SYNE1: variants seen among roughly 807,000 people sequenced by gnomAD.
The protein encoded by SYNE1 is nesprin-1.
In SYNE1, 616 loss-of-function variants were observed where a neutral mutation model predicts 1,111.0. The ratio of observed to expected loss-of-function variants is 0.55; its 90% CI spans 0.52 to 0.59. SYNE1 has a LOEUF of 0.59. Ranked by LOEUF, SYNE1 falls within the 20% of genes least tolerant of loss-of-function variation. The probability of loss-of-function intolerance (pLI) is 0.00; values close to 1 mark genes in which losing one functional copy is unlikely to be tolerated. For missense variants in SYNE1, 10,006 were observed against 10,417.0 expected, an observed-to-expected ratio of 0.96 and a Z score of 1.72; for synonymous variants, 3,855 against 3,825.8, an observed-to-expected ratio of 1.01 and a Z score of -0.28.
chr6:152,134,290 G>C (rs991209998), intron 142 of SYNE1: 1 of 152,200 alleles, frequency 6.6e-6, no homozygotes, highest in African/African-American at 2.4e-5. Context: ...ATGAAAGTAA[G>C]TTTACTCCTT....
In SYNE1 at chr6:152,221,467, C is replaced by A; in HGVS notation, c.21615G>T (p.Val7205=). 1 of 1,613,884 alleles carries A rather than the reference C, an allele frequency of 6.2e-7. No individual in the cohort carries two copies. The highest frequency in any genetic ancestry group is 8.5e-7 in the Non-Finnish European group (1 of 1,179,928). ...NQLLKECHPP[V]TETLTNTLKE... ...TCAGTGTATTGGTAAGAGTTTCTGT[C>A]ACGGGTGGGTGACACTCTTTTAATA... is the stretch of plus-strand genomic sequence containing the variant. Residue 7205 remains valine (V), a synonymous_variant, in exon 118 of 146, where the codon GTG becomes GTT. Transcript: ENST00000367255.
At position 152,417,226 on chromosome 6, in the gene SYNE1, C is replaced by T. The variant is rs7757351; in HGVS notation, c.5422-211G>A. 3.9e-3 allele frequency among the ~76,000 whole-genome samples: 591 copies of T among 152,254 alleles called. 6 individuals carry two copies. Among genetic ancestry groups the T allele is most frequent in the African/African-American group, 0.014 (568 of 41,526 alleles). The stretch of plus-strand genomic sequence containing the variant: ...ATAAAACACAACTCTGGGCCAGGCG[C>T]GGTGGCTCACGCCTGTAATCCCAGC... On this transcript the variant is annotated intron_variant, in intron 40 of 145. Coordinates refer to ENST00000367255, the MANE Select transcript of SYNE1 (RefSeq NM_182961.4).
At chr6:152,496,971 C>T (rs946386327) in intron 11 of SYNE1, among the ~76,000 whole-genome samples, 1 of 152,046 alleles carries the variant, frequency 6.6e-6, no homozygotes, top group African/African-American at 2.4e-5. Flanking sequence ...CTTGTAACAC[C>T]TGCCCCTGTC....
Position 152,384,946 on chromosome 6 carries a change from AC to A in SYNE1, c.8652+727del, listed in dbSNP as rs537070128. On this transcript the variant is annotated intron_variant, in intron 55 of 145. Coordinates refer to ENST00000367255, the MANE Select transcript of SYNE1 (RefSeq NM_182961.4). ...GTAACCATCAGCTATAATTTTTATG[AC>A]TTTTATGTTCTGATCTTGGAATCAA... 9.7e-4 allele frequency among the ~76,000 whole-genome samples: 148 copies of A among 152,002 alleles called. 2 individuals are homozygous for A. Among genetic ancestry groups the A allele is most frequent in the African/African-American group, 3.4e-3 (141 of 41,458 alleles).
In SYNE1 at chr6:152,354,875, C is replaced by G. The variant is rs1159310833; in HGVS notation, c.10710G>C (p.Arg3570=). 6.2e-7 allele frequency: 1 copy of G among 1,614,048 alleles called. No homozygotes were observed. Among genetic ancestry groups the G allele is most frequent in the Non-Finnish European group, 8.5e-7 (1 of 1,180,040 alleles). Residue 3570 remains arginine, a synonymous_variant, in exon 67 of 146, where the codon CGG becomes CGC. Coordinates refer to ENST00000367255, the MANE Select transcript of SYNE1 (RefSeq NM_182961.4). ...IPSGIPQAED[R]ALESLRQDWQ... The stretch of plus-strand genomic sequence containing the variant: ...AGTCTTGCCGGAGAGACTCTAAAGC[C>G]CGGTCCTCTGCCTGTGGGATACCTG...
intron 70 of SYNE1, 128 bp from the exon 71 acceptor site, chr6:152,350,898 G>A: frequency 1.9e-6 from 2 of 1,065,416 alleles, no homozygotes; most frequent in Non-Finnish European, 1.4e-6. Context: ...TGAAGCAATA[G>A]GTGCAAGACA....
At chr6:152,473,241 G>A (rs2098816640) in intron 14 of SYNE1, among the ~76,000 whole-genome samples, 1 of 152,116 alleles carries the variant, frequency 6.6e-6, no homozygotes, top group African/African-American at 2.4e-5. Flanking sequence ...CTTGATTGCA[G>A]AATAAATACA....
chr6:152,401,423 T>C (rs1419514310), intron 46 of SYNE1, 82 bp from the exon 47 acceptor site: 1 of 1,389,380 alleles, frequency 7.2e-7, no homozygotes, highest in African/African-American at 1.4e-5. Context: ...CACGTGCAGC[T>C]TAATTGTCAA....
At chr6:152,264,761 C>A (rs2092501971) in intron 100 of SYNE1, among the ~76,000 whole-genome samples, 1 of 152,146 alleles carries the variant, frequency 6.6e-6, no homozygotes, top group Admixed American at 6.5e-5. Flanking sequence ...AATCACACCA[C>A]TGCACTCCAG....
At chr6:152,152,576 A>G (rs137974200) in intron 133 of SYNE1, among the ~76,000 whole-genome samples, 18 of 152,356 alleles carry the variant, frequency 1.2e-4, no homozygotes, top group Non-Finnish European at 2.2e-4. Flanking sequence ...AGAAAAAGAT[A>G]TCTATAATGG....
chr6:152,589,205 C>A (rs1476179361), intron 3 of SYNE1, among the ~76,000 whole-genome samples: 1 of 152,058 alleles, frequency 6.6e-6, no homozygotes, highest in Non-Finnish European at 1.5e-5. Context: ...CCATGCCTGG[C>A]CAAATGCTGT....
intron 74 of SYNE1, among the ~76,000 whole-genome samples, chr6:152,340,238 A>C (rs953581545): frequency 2.6e-5 from 4 of 152,168 alleles, no homozygotes; most frequent in Non-Finnish European, 4.4e-5. Flanking sequence ...TGGTGGGTAG[A>C]GAGACAGCAA....
At chr6:152,550,638 A>T (rs532927070) in intron 3 of SYNE1, among the ~76,000 whole-genome samples, 1 of 151,930 alleles carries the variant, frequency 6.6e-6, no homozygotes, top group Non-Finnish European at 1.5e-5. Context: ...ACTTTGTAGT[A>T]AATAATTTGG....
chr6:152,247,750 T>TACACAC (rs61420132), intron 105 of SYNE1, among the ~76,000 whole-genome samples: 1,794 of 112,286 alleles, frequency 0.016, 23 homozygotes, highest in African/African-American at 0.033. Flanking sequence ...TATATATATA[T>TACACAC]ACACACACAC....
chr6:152,303,945 TTTTG>T (rs909144157), intron 91 of SYNE1, among the ~76,000 whole-genome samples: 7 of 152,200 alleles, frequency 4.6e-5, no homozygotes, highest in South Asian at 4.1e-4. Context: ...ATTATTGTTG[TTTTG>T]TTTGTTTCTT....
At chr6:152,366,162 G>A (rs575716391) in intron 62 of SYNE1, among the ~76,000 whole-genome samples, 16 of 152,074 alleles carry the variant, frequency 1.1e-4, no homozygotes, top group East Asian at 7.8e-4. Flanking sequence ...GAGAAACCCC[G>A]TCTCTACTAA....
In SYNE1 at chr6:152,136,219, C is replaced by T. The variant is rs138987955; in HGVS notation, c.25659+399G>A. ...AGCACCACGTCTGCCATATGGTGGA[C>T]GCCCAGCAAGTAATTACAGTATGAA... is the stretch of plus-strand genomic sequence containing the variant. On this transcript the variant is annotated intron_variant, in intron 141 of 145. Transcript: ENST00000367255. Among the ~76,000 whole-genome samples, 55 of 152,292 alleles carry T rather than the reference C, an allele frequency of 3.6e-4. 1 individual carries two copies. The South Asian group carries it at 9.5e-3, about 26-fold the overall frequency.
intron 72 of SYNE1, among the ~76,000 whole-genome samples, chr6:152,347,991 G>C (rs567692470): frequency 6.6e-6 from 1 of 151,948 alleles, no homozygotes; most frequent in African/African-American, 2.4e-5. Context: ...CGCCCGGCCT[G>C]TTATTACTTT....
intron 3 of SYNE1, chr6:152,546,523 T>C (rs1440669222): frequency 6.6e-6 from 1 of 152,172 alleles, no homozygotes; most frequent in Admixed American, 6.5e-5. Flanking sequence ...ACTTTGGCTA[T>C]ATTGGAATTC....
Sources: gnomAD v4.1 joint callset for allele counts (sites outside exome capture counted in the v4.1 genomes callset) on GRCh38, gnomAD v4.1.1 for gene constraint, MANE v1.5 for transcripts, NCBI Gene and HGNC (gene_info 2026-07-23, HGNC 2026-07-21) for gene names.